Variants in KCNMB4 observed in about 807,000 individuals in gnomAD.
KCNMB4 encodes calcium-activated potassium channel subunit beta-4.
A neutral mutation model predicts 20.7 loss-of-function variants in KCNMB4; 3 were observed. The ratio of observed to expected loss-of-function variants is 0.14; its 90% CI spans 0.07 to 0.37. The LOEUF (loss-of-function observed/expected upper bound fraction) is 0.37. KCNMB4 is among the 10% of genes least tolerant of loss of function. The pLI is 1.00. For synonymous variants in KCNMB4, 110 were observed against 113.4 expected (o/e 0.97, Z 0.19); for missense variants, 168 against 265.9 (o/e 0.63, Z 2.56).
intron 2 of KCNMB4, among the ~76,000 whole-genome samples, chr12:70,410,596 T>C (rs913898776): frequency 4.6e-5 from 7 of 152,206 alleles, no homozygotes; most frequent in Admixed American, 3.9e-4. Flanking sequence ...GCATTACCCA[T>C]CTTAAGAGCT....
intron 2 of KCNMB4, chr12:70,422,902 G>A (rs1185682571): frequency 1.8e-5 from 19 of 1,072,066 alleles, no homozygotes; most frequent in Non-Finnish European, 2.2e-5. Context: ...GAGTGGCGAC[G>A]GTTTCCCCAG....
intron 2 of KCNMB4, among the ~76,000 whole-genome samples, chr12:70,415,723 T>G (rs889812342): frequency 6.6e-6 from 1 of 152,250 alleles, no homozygotes; most frequent in African/African-American, 2.4e-5. Flanking sequence ...GTTCTCCTTC[T>G]TTAATATTAC....
chr12:70,370,474 A>AT (rs1339936543), intron 1 of KCNMB4, among the ~76,000 whole-genome samples: 13 of 151,224 alleles, frequency 8.6e-5, no homozygotes, highest in Non-Finnish European at 1.9e-4. Flanking sequence ...CGCCTGGCTA[A>AT]TTTTTTCTAT....
intron 1 of KCNMB4, among the ~76,000 whole-genome samples, chr12:70,372,824 T>C (rs1294371540): frequency 6.6e-6 from 1 of 151,954 alleles, no homozygotes; most frequent in African/African-American, 2.4e-5. Flanking sequence ...CATTATGATA[T>C]GAACATCCAG....
intron 1 of KCNMB4, among the ~76,000 whole-genome samples, chr12:70,377,156 A>C (rs1393135758): frequency 6.6e-6 from 1 of 152,120 alleles, no homozygotes; most frequent in Non-Finnish European, 1.5e-5. Context: ...TTCTTTTTGC[A>C]TAAATTGACG....
chr12:70,394,891 T>C (rs1218890249), intron 1 of KCNMB4, among the ~76,000 whole-genome samples: 4 of 152,130 alleles, frequency 2.6e-5, no homozygotes, highest in Non-Finnish European at 5.9e-5. Context: ...GGTCTTGAAC[T>C]CCTGAGCTCA....
rs545462102 is a variant in KCNMB4 at position 70,427,509 on chromosome 12, A to G, written c.465-2976A>G. Among the ~76,000 whole-genome samples the G allele has an allele frequency of 1.9e-4, 29 of 152,362 alleles. No homozygotes were observed. The East Asian group carries it at 5.6e-3, about 29-fold the overall frequency. ...AGAAATGTGTACATTTATATATAAC[A>G]TTTGCACCTCAAAGAACGCTTTTGA... On this transcript the variant is annotated intron_variant, in intron 2 of 2. Coordinates refer to ENST00000258111, the MANE Select transcript of KCNMB4 (RefSeq NM_014505.6).
intron 1 of KCNMB4, among the ~76,000 whole-genome samples, chr12:70,390,858 C>T (rs1177474910): frequency 6.6e-6 from 1 of 152,196 alleles, no homozygotes; most frequent in Non-Finnish European, 1.5e-5. Context: ...AGCTCTCATT[C>T]TAAGCACAGG....
At chr12:70,396,090 G>C (rs1219816312) in intron 1 of KCNMB4, among the ~76,000 whole-genome samples, 3 of 152,262 alleles carry the variant, frequency 2.0e-5, no homozygotes, top group Non-Finnish European at 4.4e-5. Context: ...CAACCCATCA[G>C]CTCTCAGGAG....
At chr12:70,378,737 A>G (rs1252363387) in intron 1 of KCNMB4, among the ~76,000 whole-genome samples, 2 of 152,106 alleles carry the variant, frequency 1.3e-5, no homozygotes, top group East Asian at 1.9e-4. Flanking sequence ...AGGCTTCACC[A>G]TGTTGATCAG....
chr12:70,410,379 C>T (rs1053788300), intron 2 of KCNMB4, among the ~76,000 whole-genome samples: 1 of 152,228 alleles, frequency 6.6e-6, no homozygotes, highest in African/African-American at 2.4e-5. Context: ...TGCAGTCCCA[C>T]ACTGCCATGG....
intron 1 of KCNMB4, among the ~76,000 whole-genome samples, chr12:70,397,169 C>T (rs1396504495): frequency 2.6e-5 from 4 of 152,018 alleles, no homozygotes; most frequent in Non-Finnish European, 4.4e-5. Context: ...GCCTGGACAA[C>T]CAAAGGAGAC....
chr12:70,419,978 G>C (rs1869009165), intron 2 of KCNMB4, among the ~76,000 whole-genome samples: 1 of 152,092 alleles, frequency 6.6e-6, no homozygotes, highest in Non-Finnish European at 1.5e-5. Flanking sequence ...GGTGTGTCTT[G>C]TATGTAAATG....
chr12:70,382,432 C>CAAAAA (rs397796979), intron 1 of KCNMB4, among the ~76,000 whole-genome samples: 7 of 87,914 alleles, frequency 8.0e-5, no homozygotes, highest in Non-Finnish European at 1.1e-4. Context: ...GACTCCGTCT[C>CAAAAA]AAAAAAAAAA....
At chr12:70,406,041 G>A (rs1456519553) in intron 2 of KCNMB4, among the ~76,000 whole-genome samples, 1 of 152,198 alleles carries the variant, frequency 6.6e-6, no homozygotes, top group Non-Finnish European at 1.5e-5. Context: ...GGCAAATACT[G>A]TATGATTCCA....
chr12:70,395,309 A>G (rs932821157), intron 1 of KCNMB4, among the ~76,000 whole-genome samples: 1 of 152,118 alleles, frequency 6.6e-6, no homozygotes, highest in African/African-American at 2.4e-5. Context: ...TGTTTCTTAG[A>G]TAATTCCTAA....
chr12:70,392,902 A>G (rs1358020226), intron 1 of KCNMB4, among the ~76,000 whole-genome samples: 1 of 152,230 alleles, frequency 6.6e-6, no homozygotes, highest in Non-Finnish European at 1.5e-5. Context: ...TGATGGGTGC[A>G]GCAAACCACC....
In KCNMB4 at chr12:70,432,732, A is replaced by C. The variant is rs1291878837; in HGVS notation, c.*2079A>C. The C allele has an allele frequency of 6.6e-6, 1 of 152,224 alleles. No homozygotes were observed. The highest frequency in any genetic ancestry group is 1.5e-5 in the Non-Finnish European group (1 of 68,044). The allele number at this position is 152,224 out of a possible 1,614,324, so 9.4% of individuals were successfully genotyped here. On this transcript the variant is annotated 3_prime_UTR_variant, in exon 3 of 3. Coordinates refer to ENST00000258111, the MANE Select transcript of KCNMB4 (RefSeq NM_014505.6). Reference sequence around the variant, plus strand: ...TGTTGTCTTAGCAACACAGTGAACTATTCTGAAGCATAGAGTAACACGAAA... The same window carrying C: ...TGTTGTCTTAGCAACACAGTGAACTCTTCTGAAGCATAGAGTAACACGAAA...
At chr12:70,382,766 G>T (rs766523213) in intron 1 of KCNMB4, among the ~76,000 whole-genome samples, 1 of 152,164 alleles carries the variant, frequency 6.6e-6, no homozygotes, top group Non-Finnish European at 1.5e-5. Context: ...AAAATACTAG[G>T]CATGAACATG....
Sources: gnomAD v4.1 joint callset for allele counts (sites outside exome capture counted in the v4.1 genomes callset) on GRCh38, gnomAD v4.1.1 for gene constraint, MANE v1.5 for transcripts, NCBI Gene and HGNC (gene_info 2026-07-23, HGNC 2026-07-21) for gene names.